The following CAPRIN2 variants were observed in gnomAD, a reference collection of about 807,000 sequenced individuals.
The protein encoded by CAPRIN2 is caprin-2.
Under a neutral mutation model 130.4 loss-of-function variants are expected in CAPRIN2, and 66 were observed. The observed-to-expected ratio is 0.51, with a 90% CI of 0.42 to 0.62. The LOEUF (loss-of-function observed/expected upper bound fraction) is 0.62. Among genes scored for constraint, CAPRIN2 ranks in the 20% least tolerant of loss-of-function variants. The pLI, the probability that CAPRIN2 is intolerant of heterozygous loss-of-function variation, is 0.00. For missense variants in CAPRIN2, 1,185 were observed against 1,246.6 expected (o/e 0.95, Z 0.74); for synonymous variants, 471 against 444.1 (o/e 1.06, Z -0.76).
chr12:30,743,896 T>G (rs2068655510), intron 2 of CAPRIN2, among the ~76,000 whole-genome samples: 1 of 152,168 alleles, frequency 6.6e-6, no homozygotes, highest in African/African-American at 2.4e-5. Flanking sequence ...AGGTGATATT[T>G]CTATCGGCTA....
At chr12:30,740,236 T>G (rs746765854) in intron 3 of CAPRIN2, among the ~76,000 whole-genome samples, 5 of 151,986 alleles carry the variant, frequency 3.3e-5, no homozygotes, top group African/African-American at 7.2e-5. Flanking sequence ...ACCACTGCAC[T>G]CTAGGCTGGG....
At chr12:30,744,588 T>TCA (rs2069058839) in intron 2 of CAPRIN2, among the ~76,000 whole-genome samples, 1 of 152,192 alleles carries the variant, frequency 6.6e-6, no homozygotes, top group Non-Finnish European at 1.5e-5. Context: ...TCATTCATAT[T>TCA]TTAGGTCTTA....
chr12:30,716,667 C>G (rs1031788472), exon 13 of CAPRIN2: 1 of 1,613,444 alleles, frequency 6.2e-7, no homozygotes, highest in African/African-American at 1.3e-5. Flanking sequence ...GGTGCATTAA[C>G]GTTAAATACC....
At chr12:30,713,795 T>C (rs1011936305) in exon 15 of CAPRIN2, 2 of 1,593,750 alleles carry the variant, frequency 1.3e-6, no homozygotes, top group Non-Finnish European at 1.7e-6. Context: ...CCTTTGGGAA[T>C]AAGGTGCTCC....
At chr12:30,724,136 T>C (rs1392760877) in intron 10 of CAPRIN2, among the ~76,000 whole-genome samples, 1 of 152,238 alleles carries the variant, frequency 6.6e-6, no homozygotes, top group Non-Finnish European at 1.5e-5. Context: ...CTATTGAGTA[T>C]TTCCATTCAC....
At chr12:30,733,669 G>A in exon 5 of CAPRIN2, 1 of 1,613,422 alleles carries the variant, frequency 6.2e-7, no homozygotes, top group Non-Finnish European at 8.5e-7. Context: ...CTTCCAAAAG[G>A]TCCCAAAAGT....
intron 11 of CAPRIN2, among the ~76,000 whole-genome samples, chr12:30,721,583 C>T (rs536410445): frequency 3.2e-4 from 48 of 152,252 alleles, no homozygotes; most frequent in African/African-American, 1.1e-3. Flanking sequence ...AGAATTCTAT[C>T]GCACAACAGG....
chr12:30,728,758 A>G, exon 8 of CAPRIN2: 1 of 1,614,026 alleles, frequency 6.2e-7, no homozygotes, highest in East Asian at 2.2e-5. Context: ...GATGTTAAAG[A>G]GTGTTTTTGA....
chr12:30,751,199 C>T (rs2073660455), intron 1 of CAPRIN2, 66 bp from the exon 3 acceptor site: 1 of 1,263,874 alleles, frequency 7.9e-7, no homozygotes, highest in Non-Finnish European at 1.2e-6. Context: ...AAAGTAAATG[C>T]CAGATCTTGT....
chr12:30,753,688 T>C, exon 1 of CAPRIN2: 1 of 1,614,196 alleles, frequency 6.2e-7, no homozygotes, highest in African/African-American at 1.3e-5. Context: ...CTGGAAAGTC[T>C]AGACCACTCC....
chr12:30,727,793 T>C (rs1293471110), intron 8 of CAPRIN2, among the ~76,000 whole-genome samples: 1 of 152,216 alleles, frequency 6.6e-6, no homozygotes, highest in Non-Finnish European at 1.5e-5. Flanking sequence ...GGAAAAATTC[T>C]CATTTTGAAA....
chr12:30,737,598 CTT>C (rs11304850), intron 3 of CAPRIN2, among the ~76,000 whole-genome samples: 25 of 131,216 alleles, frequency 1.9e-4, no homozygotes, highest in South Asian at 2.5e-4. Context: ...AACTGGTTTT[CTT>C]TTTTTTTTTT....
chr12:30,734,128 C>G (rs368480498), intron 4 of CAPRIN2, among the ~76,000 whole-genome samples: 7 of 152,260 alleles, frequency 4.6e-5, no homozygotes, highest in Non-Finnish European at 1.0e-4. Context: ...TAAAGTGAAG[C>G]TACATTCCCT....
chr12:30,715,083 TG>T lies in CAPRIN2; in HGVS notation c.2375del (p.Pro792GlnfsTer30), dbSNP rs1341908656. On this transcript the variant is annotated frameshift_variant, in exon 14 of 17. Transcript: ENST00000298892. LOFTEE classifies it high-confidence loss of function. ...GTCTGGGAAACACATTCGTCTGTGCTGGGTAAAAGGCAAGGCTACCATTGCT... is the reference window on the plus strand; with the variant it reads ...GTCTGGGAAACACATTCGTCTGTGCTGGTAAAAGGCAAGGCTACCATTGCT... The T allele has an allele frequency of 6.2e-7, 1 of 1,614,058 alleles. No individual in the cohort carries two copies. Among genetic ancestry groups the T allele is most frequent in the East Asian group, 2.2e-5 (1 of 44,866 alleles).
At chr12:30,716,891 A>G (rs2057754354) in intron 12 of CAPRIN2, among the ~76,000 whole-genome samples, 1 of 152,222 alleles carries the variant, frequency 6.6e-6, no homozygotes, top group African/African-American at 2.4e-5. Context: ...CCATAATGCC[A>G]TAAAATTTTA....
At chr12:30,722,708 G>T (rs1196027870) in intron 11 of CAPRIN2, among the ~76,000 whole-genome samples, 1 of 152,124 alleles carries the variant, frequency 6.6e-6, no homozygotes, top group African/African-American at 2.4e-5. Flanking sequence ...AGACCAGCCT[G>T]GCCAAGATGG....
At chr12:30,719,552 A>C (rs1591990625) in intron 12 of CAPRIN2, 1 of 199,562 alleles carries the variant, frequency 5.0e-6, no homozygotes, top group Non-Finnish European at 1.0e-5. Flanking sequence ...ATTATTCAAA[A>C]TTTATACATC....
chr12:30,731,613 GTTTA>G, intron 5 of CAPRIN2, 103 bp from the exon 7 acceptor site: 1 of 918,722 alleles, frequency 1.1e-6, no homozygotes, highest in South Asian at 1.6e-5. Flanking sequence ...TGTTACAATA[GTTTA>G]CATTGATGTA....
At chr12:30,747,316 C>T (rs2071045160) in intron 2 of CAPRIN2, among the ~76,000 whole-genome samples, 1 of 152,248 alleles carries the variant, frequency 6.6e-6, no homozygotes, top group African/African-American at 2.4e-5. Context: ...TGTTTTCATG[C>T]CTGATAACAT....
Sources: allele counts gnomAD v4.1 joint callset (sites outside exome capture counted in the v4.1 genomes callset), GRCh38; gene constraint gnomAD v4.1.1; transcripts MANE v1.5; gene names NCBI Gene and HGNC (gene_info 2026-07-23, HGNC 2026-07-21).